The following TSPEAR variants were observed in gnomAD, a reference collection of about 807,000 sequenced individuals.
The protein encoded by TSPEAR is thrombospondin type laminin G domain and EAR repeats, also known as thrombospondin-type laminin G domain and EAR repeat-containing protein.
A neutral mutation model predicts 71.6 loss-of-function variants in TSPEAR; 69 were observed. The ratio of observed to expected loss-of-function variants is 0.96; its 90% CI spans 0.79 to 1.18. The LOEUF (loss-of-function observed/expected upper bound fraction) is 1.18, where lower values mean the gene tolerates loss of function less well. TSPEAR is among the 50% of genes most tolerant of loss of function. TSPEAR has a pLI of 0.00. For missense variants in TSPEAR, 971 were observed against 894.9 expected (o/e 1.09, Z -1.09); for synonymous variants, 402 against 387.2 (o/e 1.04, Z -0.45).
Position 44,695,216 on chromosome 21 carries a change from C to T in TSPEAR, c.82+16217G>A, listed in dbSNP as rs544915449. ...CACCCCAACTCCTGTGGCTTTGGGG[C>T]ATTCACACTCTCCTGGTCCTGTCCT... On this transcript the variant is annotated intron_variant, in intron 1 of 11. Transcript: ENST00000323084. This position sits in a 1 kb window ranked among gnomAD's most constrained non-coding sequence, Gnocchi z 4.5. Among the ~76,000 whole-genome samples the T allele has an allele frequency of 6.6e-6, 1 of 152,304 alleles. No individual in the cohort carries two copies. The highest frequency in any genetic ancestry group is 2.1e-4 in the South Asian group (1 of 4,828).
At chr21:44,692,671 A>G (rs1210412665) in intron 1 of TSPEAR, among the ~76,000 whole-genome samples, 2 of 152,194 alleles carry the variant, frequency 1.3e-5, no homozygotes, top group African/African-American at 2.4e-5. Context: ...AGAGACTTGT[A>G]CAATGATAAC....
At chr21:44,636,775 C>G (rs1217065610) in intron 1 of TSPEAR, among the ~76,000 whole-genome samples, 1 of 152,176 alleles carries the variant, frequency 6.6e-6, no homozygotes, top group African/African-American at 2.4e-5. Flanking sequence ...AGTCCAGACC[C>G]AAAGGCCAGT....
rs115779850 is a variant in TSPEAR, at chr21:44,695,630, T to A, written c.82+15803A>T. ...TGATTGTTAAATATTCAGAATCTTC[T>A]CAAGCAGGTTGTTAAACTGCTCATA... On this transcript the variant is annotated intron_variant, in intron 1 of 11. Transcript: ENST00000323084. This position sits in a 1 kb window ranked among gnomAD's most constrained non-coding sequence, Gnocchi z 4.5. 6.6e-6 allele frequency among the ~76,000 whole-genome samples: 1 copy of A among 152,294 alleles called. No individual in the cohort carries two copies. The highest frequency in any genetic ancestry group is 2.4e-5 in the African/African-American group (1 of 41,550).
chr21:44,661,852 GA>G lies in TSPEAR; in HGVS notation c.82+49580del, dbSNP rs142470531. On this transcript the variant is annotated intron_variant, in intron 1 of 11. Coordinates refer to ENST00000323084, the MANE Select transcript of TSPEAR (RefSeq NM_144991.3). ...ACTGTCGCAAGGACAGCACCAAGGGGATGACGCTTAACCATTCATGAGAAAT... is the reference window on the plus strand; with the variant it reads ...ACTGTCGCAAGGACAGCACCAAGGGGTGACGCTTAACCATTCATGAGAAAT... Among the ~76,000 whole-genome samples, 272 of 152,132 alleles carry G rather than the reference GA, an allele frequency of 1.8e-3. 6 individuals are homozygous for G. In the East Asian group the frequency reaches 0.049, roughly 27 times the overall value.
intron 1 of TSPEAR, chr21:44,647,488 T>C: frequency 9.2e-7 from 1 of 1,086,724 alleles, no homozygotes; most frequent in South Asian, 1.6e-5. Flanking sequence ...AAGGGGATTT[T>C]GAGCGCGTCA....
intron 2 of TSPEAR, among the ~76,000 whole-genome samples, chr21:44,560,594 C>T (rs233254): frequency 0.93 from 141,308 of 152,198 alleles, 65,760 homozygotes; most frequent in Non-Finnish European, 0.96. Flanking sequence ...GTAAAACACT[C>T]CTCAGCAAAT....
intron 2 of TSPEAR, among the ~76,000 whole-genome samples, chr21:44,555,431 C>T (rs2146041043): frequency 6.6e-6 from 1 of 152,298 alleles, no homozygotes; most frequent in Middle Eastern, 3.4e-3. Context: ...AGCAGGGCCC[C>T]CACATCCCAC....
intron 1 of TSPEAR, chr21:44,676,364 C>A (rs2146289322): frequency 8.8e-7 from 1 of 1,133,452 alleles, no homozygotes; most frequent in South Asian, 1.2e-5. Context: ...ACTGCACTAC[C>A]CAGTGGGACA....
chr21:44,621,140 G>A (rs116532332), intron 1 of TSPEAR, among the ~76,000 whole-genome samples: 1,617 of 152,194 alleles, frequency 0.011, 27 homozygotes, highest in African/African-American at 0.036. Context: ...CTGTAGTTGG[G>A]TTGTGTGTTT....
chr21:44,652,665 G>A (rs1722575666), intron 1 of TSPEAR, among the ~76,000 whole-genome samples: 1 of 152,212 alleles, frequency 6.6e-6, no homozygotes, highest in South Asian at 2.1e-4. Context: ...CTTTCTAGAA[G>A]TAAGGGGTTA....
intron 8 of TSPEAR, among the ~76,000 whole-genome samples, chr21:44,525,150 GTAGT>G (rs782067322): frequency 2.1e-4 from 32 of 150,692 alleles, no homozygotes; most frequent in East Asian, 3.9e-4. Context: ...AGACAGTCAG[GTAGT>G]TAGTCAGTCA....
Position 44,528,486 on chromosome 21 carries a change from C to G in TSPEAR, c.888G>C (p.Leu296=). 1 of 1,614,120 alleles carries G rather than the reference C, an allele frequency of 6.2e-7. No homozygotes were observed. Among genetic ancestry groups the G allele is most frequent in the Non-Finnish European group, 8.5e-7 (1 of 1,180,004 alleles). The part of the protein sequence containing the change: ...WFDASRKGLY[L]CVGNEWVSVL... ...CGGAGACCCACTCGTTGCCAACACA[C>G]AGATACAGGCCCTTCCGGCTGGCAT... The change falls in exon 6 of 12, where the codon CTG becomes CTC. Residue 296 remains leucine (L), a synonymous_variant. Transcript: ENST00000323084.
intron 1 of TSPEAR, among the ~76,000 whole-genome samples, chr21:44,656,660 T>C (rs1985165605): frequency 6.6e-6 from 1 of 152,174 alleles, no homozygotes; most frequent in African/African-American, 2.4e-5. Flanking sequence ...TTTCTTTGTG[T>C]TGATCCTCCT....
chr21:44,685,491 G>C (rs868958444), intron 1 of TSPEAR, among the ~76,000 whole-genome samples: 2 of 152,064 alleles, frequency 1.3e-5, no homozygotes, highest in Middle Eastern at 3.2e-3. Context: ...AACCAGACAT[G>C]AGTAGCTCAG....
In TSPEAR at chr21:44,499,890, CGGT is replaced by C. The variant is rs1569145724; in HGVS notation, c.1900_1902del (p.Thr634del). On this transcript the variant is annotated inframe_deletion, in exon 12 of 12. Coordinates refer to ENST00000323084, the MANE Select transcript of TSPEAR (RefSeq NM_144991.3). ...AAGGCCTCCCAGTCCCTGCAGCCGA[CGGT>C]GGGGAGGCTGTGCACCGCCACGAAG... The C allele has an allele frequency of 3.1e-6, 5 of 1,607,320 alleles. No individual in the cohort carries two copies. Among genetic ancestry groups the C allele is most frequent in the Non-Finnish European group, 1.7e-6 (2 of 1,177,926 alleles).
At chr21:44,583,979 A>G (rs915242662) in intron 1 of TSPEAR, among the ~76,000 whole-genome samples, 6 of 152,224 alleles carry the variant, frequency 3.9e-5, no homozygotes, top group Non-Finnish European at 1.5e-5. Flanking sequence ...CTCATCCTGC[A>G]CAGCTGAAGC....
At chr21:44,647,341 A>G (rs781908750) in intron 1 of TSPEAR, 30 of 1,613,594 alleles carry the variant, frequency 1.9e-5, no homozygotes, top group Non-Finnish European at 2.4e-5. Context: ...CTCAGGCAAG[A>G]AGTCCAGCTG....
At chr21:44,647,635 T>G in intron 1 of TSPEAR, 1 of 486,060 alleles carries the variant, frequency 2.1e-6, no homozygotes, top group Non-Finnish European at 3.9e-6. Flanking sequence ...AATCAATAAA[T>G]TCTTGAGTCA....
At chr21:44,509,588 G>C (rs1007949699) in intron 9 of TSPEAR, among the ~76,000 whole-genome samples, 6 of 151,744 alleles carry the variant, frequency 4.0e-5, no homozygotes, top group Non-Finnish European at 8.8e-5. Flanking sequence ...AGCGGGCGCA[G>C]AGGTGTGAGT....
Sources: allele counts gnomAD v4.1 joint callset (sites outside exome capture counted in the v4.1 genomes callset), GRCh38; gene constraint gnomAD v4.1.1; non-coding constraint Gnocchi (gnomAD v3.1); transcripts MANE v1.5; gene names NCBI Gene and HGNC (gene_info 2026-07-23, HGNC 2026-07-21).